TFDP2: variants seen among roughly 807,000 people sequenced by gnomAD.
TFDP2 encodes transcription factor Dp-2 (E2F dimerization partner 2).
Under a neutral mutation model 59.3 loss-of-function variants are expected in TFDP2, and 17 were observed. The observed-to-expected ratio is 0.29, with a 90% CI of 0.20 to 0.43. TFDP2 has a LOEUF of 0.43. Ranked by LOEUF, TFDP2 falls within the 20% of genes least tolerant of loss-of-function variation. The pLI is 1.00. For synonymous variants in TFDP2, 180 were observed against 194.7 expected (o/e 0.92, Z 0.63); for missense variants, 391 against 528.8 (o/e 0.74, Z 2.56).
intron 1 of TFDP2, among the ~76,000 whole-genome samples, chr3:142,115,000 GA>G (rs1046233502): frequency 3.3e-5 from 5 of 150,498 alleles, no homozygotes; most frequent in African/African-American, 1.2e-4. Flanking sequence ...ATGCTCATAA[GA>G]AAAAAAAACT....
chr3:141,985,571 A>G lies in TFDP2; in HGVS notation c.357-6889T>C, dbSNP rs563460905. Among the ~76,000 whole-genome samples, 9 of 151,192 alleles carry G rather than the reference A, an allele frequency of 6.0e-5. No homozygotes were observed. In the East Asian group the frequency reaches 1.7e-3, roughly 29 times the overall value. ...CCTATTTTTTCTTCATAGATTTTCT[A>G]TATGCTTCTGGGTTACATTTGACAA... On this transcript the variant is annotated intron_variant, in intron 6 of 12. Transcript: ENST00000489671.
At position 141,952,235 on chromosome 3, in the gene TFDP2, G is replaced by A; in HGVS notation, c.*278C>T. 1 of 283,212 alleles carries A rather than the reference G, an allele frequency of 3.5e-6. No homozygotes were observed. The highest frequency in any genetic ancestry group is 6.4e-6 in the Non-Finnish European group (1 of 155,610). The allele number at this position is 283,212 out of a possible 1,614,324, so 17.5% of individuals were successfully genotyped here. On this transcript the variant is annotated 3_prime_UTR_variant, in exon 13 of 13. Coordinates refer to ENST00000489671, the MANE Select transcript of TFDP2 (RefSeq NM_001178139.2). The stretch of plus-strand genomic sequence containing the variant: ...AAGATAAATGAGTTGCACTCACACT[G>A]CCAACTCTTCAGGGATTATCCCCAC...
intron 3 of TFDP2, among the ~76,000 whole-genome samples, chr3:142,017,544 TATTC>T (rs1945226897): frequency 7.6e-6 from 1 of 132,078 alleles, no homozygotes; most frequent in African/African-American, 3.0e-5. Flanking sequence ...TATGCAAAAA[TATTC>T]TTTTTTTTTT....
intron 1 of TFDP2, among the ~76,000 whole-genome samples, chr3:142,135,156 T>C (rs1223258112): frequency 6.6e-6 from 1 of 152,086 alleles, no homozygotes; most frequent in Non-Finnish European, 1.5e-5. Flanking sequence ...AAGCAGTAGC[T>C]ATACATAGGC....
chr3:142,009,541 G>A (rs951763683), intron 3 of TFDP2, among the ~76,000 whole-genome samples: 2 of 151,800 alleles, frequency 1.3e-5, no homozygotes, highest in Non-Finnish European at 2.9e-5. Flanking sequence ...GCGAAACCCT[G>A]TCTCTACTAA....
chr3:141,998,572 G>A (rs1443221799), intron 4 of TFDP2, among the ~76,000 whole-genome samples: 2 of 152,204 alleles, frequency 1.3e-5, no homozygotes, highest in South Asian at 2.1e-4. Flanking sequence ...AGCTGAGATC[G>A]TGCCACTACA....
intron 3 of TFDP2, among the ~76,000 whole-genome samples, chr3:142,050,690 A>C (rs1947581611): frequency 1.3e-5 from 2 of 151,262 alleles, no homozygotes; most frequent in African/African-American, 4.9e-5. Context: ...ACAGAGCGAG[A>C]CTCTGTCTCA....
At chr3:142,135,019 T>C (rs2062669139) in intron 1 of TFDP2, among the ~76,000 whole-genome samples, 1 of 152,158 alleles carries the variant, frequency 6.6e-6, no homozygotes, top group East Asian at 1.9e-4. Context: ...TTCCATGAAG[T>C]ACAATCGTTT....
At chr3:142,082,361 G>A (rs893915332) in intron 3 of TFDP2, among the ~76,000 whole-genome samples, 1 of 152,018 alleles carries the variant, frequency 6.6e-6, no homozygotes, top group African/African-American at 2.4e-5. Context: ...TTAGAAATAA[G>A]GTGCACAACA....
chr3:142,095,863 AATT>A (rs1205082168), intron 2 of TFDP2, among the ~76,000 whole-genome samples: 1 of 152,198 alleles, frequency 6.6e-6, no homozygotes, highest in Non-Finnish European at 1.5e-5. Flanking sequence ...GCCTTTAATA[AATT>A]CCATGCTTGA....
chr3:142,109,842 C>T (rs1342048775), intron 1 of TFDP2, among the ~76,000 whole-genome samples: 1 of 152,146 alleles, frequency 6.6e-6, no homozygotes, highest in African/African-American at 2.4e-5. Context: ...TGGCATTTTA[C>T]ACGTTAAACA....
At chr3:142,103,879 A>G (rs1320712632) in intron 1 of TFDP2, among the ~76,000 whole-genome samples, 1 of 151,400 alleles carries the variant, frequency 6.6e-6, no homozygotes, top group Non-Finnish European at 1.5e-5. Flanking sequence ...TGTAGAAGAA[A>G]AGCAAGGTTT....
chr3:142,040,458 G>A (rs1243952607), intron 3 of TFDP2, among the ~76,000 whole-genome samples: 5 of 150,564 alleles, frequency 3.3e-5, no homozygotes, highest in African/African-American at 1.2e-4. Flanking sequence ...ACGGAGTCTC[G>A]CTCTTGTTAT....
intron 3 of TFDP2, among the ~76,000 whole-genome samples, chr3:142,077,014 CAGAA>C (rs2060480833): frequency 6.6e-6 from 1 of 152,182 alleles, no homozygotes; most frequent in Admixed American, 6.5e-5. Context: ...AGCCATGTGG[CAGAA>C]AGAGAGAATC....
intron 1 of TFDP2, among the ~76,000 whole-genome samples, chr3:142,104,200 A>G (rs543735395): frequency 2.6e-5 from 4 of 152,334 alleles, no homozygotes; most frequent in African/African-American, 4.8e-5. Context: ...TAAAGTTCCT[A>G]TGCTATATCT....
intron 3 of TFDP2, among the ~76,000 whole-genome samples, chr3:142,019,655 C>CCA (rs1553778373): frequency 6.6e-6 from 1 of 150,916 alleles, no homozygotes; most frequent in Non-Finnish European, 1.5e-5. Flanking sequence ...ACACCCCCCC[C>CCA]AACATCTTCT....
intron 3 of TFDP2, among the ~76,000 whole-genome samples, chr3:142,023,860 G>A (rs1184750649): frequency 6.6e-6 from 1 of 152,178 alleles, no homozygotes; most frequent in Non-Finnish European, 1.5e-5. Flanking sequence ...CCGGAGTGCA[G>A]TGGCATGATC....
At chr3:141,968,191 C>CT (rs35807930) in intron 9 of TFDP2, among the ~76,000 whole-genome samples, 53 of 133,024 alleles carry the variant, frequency 4.0e-4, no homozygotes, top group East Asian at 2.1e-3. Context: ...TCAGTTTCAG[C>CT]TTTTTTTTTT....
chr3:142,146,279 G>A, intron 1 of TFDP2, among the ~76,000 whole-genome samples: 1 of 152,016 alleles, frequency 6.6e-6, no homozygotes, highest in East Asian at 1.9e-4. Context: ...AGAACAGAGA[G>A]AGCATGAACA....
Sources: gnomAD v4.1 joint callset for allele counts (sites outside exome capture counted in the v4.1 genomes callset) on GRCh38, gnomAD v4.1.1 for gene constraint, MANE v1.5 for transcripts, NCBI Gene and HGNC (gene_info 2026-07-23, HGNC 2026-07-21) for gene names.